SAGE1: variants seen among roughly 807,000 people sequenced by gnomAD.
SAGE1 encodes the protein sarcoma antigen 1, also known as cancer/testis antigen 14.
In SAGE1, 55 loss-of-function variants were observed where a neutral mutation model predicts 55.4. The observed-to-expected ratio is 0.99, with a 90% confidence interval of 0.80 to 1.24. The LOEUF (loss-of-function observed/expected upper bound fraction) is 1.24, where lower values mean the gene tolerates loss of function less well. Ranked by LOEUF, SAGE1 falls within the 50% of genes most tolerant of loss-of-function variation. The pLI is 0.00. For synonymous variants in SAGE1, 240 were observed against 244.3 expected (o/e 0.98, Z 0.17); for missense variants, 710 against 704.4 (o/e 1.01, Z -0.09).
At chrX:135,901,070 G>A (rs2088667649) in intron 2 of SAGE1, among the ~76,000 whole-genome samples, 2 of 103,606 alleles carry the variant, frequency 1.9e-5, no homozygotes, top group African/African-American at 7.1e-5. Flanking sequence ...GTGACTTGGG[G>A]AAGCAGAGCT....
At position 135,909,984 on chromosome X, in the gene SAGE1, C is replaced by T. The variant is rs1943635391; in HGVS notation, c.1724-46C>T. The T allele has an allele frequency of 2.6e-6, 3 of 1,171,444 alleles. No individual in the cohort carries two copies. The African/African-American group carries it at 5.3e-5, about 21-fold the overall frequency. ...CAGGAAGATATACCTGTGGGGTTGACATAATGCACTTAACTCAAAACTTAA... is the reference window on the plus strand; with the variant it reads ...CAGGAAGATATACCTGTGGGGTTGATATAATGCACTTAACTCAAAACTTAA... On this transcript the variant is annotated intron_variant, in intron 14 of 19. Transcript: ENST00000370709.
rs1399445057 is a variant in SAGE1 at position 135,909,698 on chromosome X, A to G, written c.1642A>G (p.Ser548Gly). 2 of 1,199,904 alleles carry G rather than the reference A, an allele frequency of 1.7e-6. No homozygotes were observed. The highest frequency in any genetic ancestry group is 3.0e-5 in the East Asian group (1 of 33,603). ...GATGGAAAATAACCAACCACAACCT[A>G]GTTATGACTTGTCAACTGTTCTACC... ...ERMENNQPQP[S>G]YDLSTVLPGL... is the part of the protein sequence containing the mutation. Residue 548 changes from serine (S) to glycine (G), a missense_variant, in exon 14 of 20, where the codon AGT becomes GGT. Physicochemically the swap from Ser to Gly is moderately conservative, Grantham distance 56 (BLOSUM62 0). Transcript: ENST00000370709.
chrX:135,895,370 T>G (rs2088569787), intron 1 of SAGE1, among the ~76,000 whole-genome samples: 1 of 112,271 alleles, frequency 8.9e-6, no homozygotes, highest in South Asian at 3.7e-4. Flanking sequence ...TGATTTTAAG[T>G]GGGGTCATCT....
In SAGE1 at chrX:135,909,522, G is replaced by A. The variant is rs1392794420; in HGVS notation, c.1583-117G>A. On this transcript the variant is annotated intron_variant, in intron 13 of 19. Transcript: ENST00000370709. ...TTTGAGGGGTCTCAGATCACCACCT[G>A]TTATAGCCTCCTGTGTTATGGAACA... is the stretch of plus-strand genomic sequence containing the variant. 5.2e-6 allele frequency: 4 copies of A among 776,059 alleles called. No individual in the cohort carries two copies. In the African/African-American group the frequency reaches 6.3e-5, roughly 12 times the overall value. 64.0% of individuals were successfully genotyped at this position (776,059 alleles called of 1,213,427 possible). A position where few individuals can be genotyped will look rare whatever the true frequency, so the allele number is the denominator to read the frequency against.
At position 135,913,009 on chromosome X, in the gene SAGE1, T is replaced by A. The variant is rs2088925282; in HGVS notation, c.*112T>A. On this transcript the variant is annotated 3_prime_UTR_variant, in exon 20 of 20. Transcript: ENST00000370709. Reference sequence around the variant, plus strand: ...ATGAAGAGAATTCCCTTCCAGAAGCTACGAAAAAGGGAGCTGTTTAAATTT... The same window carrying A: ...ATGAAGAGAATTCCCTTCCAGAAGCAACGAAAAAGGGAGCTGTTTAAATTT... 2 of 500,110 alleles carry A rather than the reference T, an allele frequency of 4.0e-6. No individual in the cohort carries two copies. The highest frequency in any genetic ancestry group is 4.8e-5 in the African/African-American group (2 of 41,761). The allele number at this position is 500,110 out of a possible 1,213,427, so 41.2% of individuals were successfully genotyped here. A position where few individuals can be genotyped will look rare whatever the true frequency, so the allele number is the denominator to read the frequency against.
chrX:135,903,115 C>T (rs2088708433), intron 3 of SAGE1, among the ~76,000 whole-genome samples: 1 of 111,673 alleles, frequency 9.0e-6, no homozygotes. Context: ...CCATTTCCTC[C>T]TGGCTCTCTC....
chrX:135,902,298 A>G (rs1464206024), intron 3 of SAGE1, among the ~76,000 whole-genome samples: 3 of 111,813 alleles, frequency 2.7e-5, no homozygotes, highest in Non-Finnish European at 5.6e-5. Flanking sequence ...CTTCTACACT[A>G]CAACTTGCTC....
At position 135,906,533 on chromosome X, in the gene SAGE1, A is replaced by G. The variant is rs2088794002; in HGVS notation, c.718A>G (p.Met240Val). ...INMTDTGISPMSTRDPYATIT... is the reference protein window; with the variant it reads ...INMTDTGISPVSTRDPYATIT... ...TATGACAGACACTGGTATTTCACCCATGAGTACCAGGGATCCATGTAAGTT... is the reference window on the plus strand; with the variant it reads ...TATGACAGACACTGGTATTTCACCCGTGAGTACCAGGGATCCATGTAAGTT... Residue 240 changes from methionine (M) to valine (V), a missense_variant, in exon 7 of 20, where the codon ATG becomes GTG. Coordinates refer to ENST00000370709, the MANE Select transcript of SAGE1 (RefSeq NM_001381902.1). 10 of 1,203,067 alleles carry G rather than the reference A, an allele frequency of 8.3e-6. No homozygotes were observed. The East Asian group carries it at 1.8e-4, about 21-fold the overall frequency.
intron 19 of SAGE1, 115 bp from the exon 20 acceptor site, chrX:135,912,683 A>T (rs1360058510): frequency 1.8e-6 from 2 of 1,114,367 alleles, no homozygotes; most frequent in African/African-American, 3.7e-5. Context: ...TTCAATGAGG[A>T]TGCATTTTCT....
rs782604698 is a variant in SAGE1 at position 135,910,439 on chromosome X, G to T, written c.1889G>T (p.Arg630Leu). The stretch of plus-strand genomic sequence containing the variant: ...GATGCTGCAGTCACTCACAACATCC[G>T]TGAAGAGAAGATAAATAACAGCCAA... ...DQYAAVTHNI[R>L]EEKINNSQPA... The change falls in exon 16 of 20, where the codon CGT (arginine) becomes CTT (leucine). Residue 630 changes from arginine (R) to leucine (L), a missense_variant. By Grantham distance (102) the Arg-to-Leu change is moderately radical. Coordinates refer to ENST00000370709, the MANE Select transcript of SAGE1 (RefSeq NM_001381902.1). 8.3e-7 allele frequency: 1 copy of T among 1,210,114 alleles called. No homozygotes were observed. The highest frequency in any genetic ancestry group is 2.2e-5 in the Admixed American group (1 of 45,884).
chrX:135,893,977 T>G (rs2088542887), intron 1 of SAGE1, among the ~76,000 whole-genome samples, 196 bp downstream of exon 1: 2 of 112,378 alleles, frequency 1.8e-5, no homozygotes, highest in South Asian at 7.4e-4. Flanking sequence ...TGGCTTGTAT[T>G]TCTGGGGAGA....
At chrX:135,905,466 C>A in intron 5 of SAGE1, 74 bp downstream of exon 5, 1 of 1,029,353 alleles carries the variant, frequency 9.7e-7, no homozygotes, top group South Asian at 2.3e-5. Context: ...AGGTAGAAGT[C>A]ACTTTTGTTG....
chrX:135,910,755 T>C (rs1211882233), intron 16 of SAGE1, among the ~76,000 whole-genome samples, 200 bp downstream of exon 16: 11 of 111,634 alleles, frequency 9.9e-5, no homozygotes, highest in Admixed American at 3.8e-4. Flanking sequence ...ACCTATGGGG[T>C]TGACATAATG....
At chrX:135,904,418 C>T (rs1176883526) in intron 3 of SAGE1, 59 bp from the exon 4 acceptor site, 3 of 711,432 alleles carry the variant, frequency 4.2e-6, no homozygotes, top group Non-Finnish European at 6.7e-6. Flanking sequence ...GTGGGGCATG[C>T]CTGTGCCATT....
chrX:135,908,802 A>G, intron 12 of SAGE1, 62 bp from the exon 13 acceptor site: 1 of 1,157,647 alleles, frequency 8.6e-7, no homozygotes, highest in South Asian at 1.9e-5. Flanking sequence ...TCAGTGGGAT[A>G]TATCGGTGGG....
chrX:135,910,295 T>C, intron 15 of SAGE1, 120 bp from the exon 16 acceptor site: 1 of 1,031,765 alleles, frequency 9.7e-7, no homozygotes. Context: ...CTCAGATTGC[T>C]ACCTGGTATA....
intron 9 of SAGE1, 67 bp from the exon 10 acceptor site, chrX:135,907,634 G>A (rs2088819662): frequency 8.9e-7 from 1 of 1,122,277 alleles, no homozygotes; most frequent in Non-Finnish European, 1.2e-6. Flanking sequence ...GAGCATCAGA[G>A]GGATATACCT....
At chrX:135,899,482 T>C (rs1420039605) in intron 2 of SAGE1, among the ~76,000 whole-genome samples, 2 of 111,968 alleles carry the variant, frequency 1.8e-5, no homozygotes, top group African/African-American at 6.5e-5. Context: ...TCTGGCTCTT[T>C]TTTCGTTCCA....
At chrX:135,894,104 G>A (rs1311612170) in intron 1 of SAGE1, among the ~76,000 whole-genome samples, 6 of 109,610 alleles carry the variant, frequency 5.5e-5, no homozygotes, top group Non-Finnish European at 9.6e-5. Context: ...CTTGTTGTTC[G>A]CTCTTGTTGC....
Sources: allele counts gnomAD v4.1 joint callset (sites outside exome capture counted in the v4.1 genomes callset), GRCh38; gene constraint gnomAD v4.1.1; transcripts MANE v1.5; gene names NCBI Gene and HGNC (gene_info 2026-07-23, HGNC 2026-07-21).